The following TBKBP1 variants were observed in gnomAD, a reference collection of about 807,000 sequenced individuals.
The protein encoded by TBKBP1 is TANK-binding kinase 1-binding protein 1.
In TBKBP1, 47 loss-of-function variants were observed where a neutral mutation model predicts 69.9. That is an observed-to-expected ratio of 0.67 (90% CI 0.53 to 0.86). The LOEUF (loss-of-function observed/expected upper bound fraction) is 0.86, where lower values mean the gene tolerates loss of function less well. Among genes scored for constraint, TBKBP1 ranks in the 40% least tolerant of loss-of-function variants. TBKBP1 has a pLI of 0.00. For missense variants in TBKBP1, 831 were observed against 858.6 expected, an observed-to-expected ratio of 0.97 and a Z score of 0.40; for synonymous variants, 418 against 390.3, an observed-to-expected ratio of 1.07 and a Z score of -0.84.
intron 7 of TBKBP1, among the ~76,000 whole-genome samples, chr17:47,706,425 A>G (rs2031698030): frequency 6.6e-6 from 1 of 152,132 alleles, no homozygotes; most frequent in African/African-American, 2.4e-5. Context: ...ATTTCTTCCC[A>G]CAGACCCATG....
chr17:47,696,905 A>ACCCCCC (rs1194292221), intron 3 of TBKBP1, 72 bp downstream of exon 3: 2 of 1,577,756 alleles, frequency 1.3e-6, no homozygotes, highest in African/African-American at 2.7e-5. Flanking sequence ...TTCCCTCCAC[A>ACCCCCC]CCCCCCAGCA....
Position 47,710,764 on chromosome 17 carries a change from G to A in TBKBP1, c.*138G>A, listed in dbSNP as rs1010315832. On this transcript the variant is annotated 3_prime_UTR_variant, in exon 10 of 10. Coordinates refer to ENST00000578982, the MANE Select transcript of TBKBP1 (RefSeq NM_001394755.1). The stretch of plus-strand genomic sequence containing the variant: ...TACCTCCACTTGCTACCGAGTCAAC[G>A]TGTGTGCCATCTTCCCTGGTCCAGG... 26 of 1,273,562 alleles carry A rather than the reference G, an allele frequency of 2.0e-5. No homozygotes were observed. The highest frequency in any genetic ancestry group is 7.4e-5 in the African/African-American group (5 of 67,526). The allele number at this position is 1,273,562 out of a possible 1,614,324, so 78.9% of individuals were successfully genotyped here. A position where few individuals can be genotyped will look rare whatever the true frequency, so the allele number is the denominator to read the frequency against.
intron 9 of TBKBP1, 114 bp from the exon 10 acceptor site, chr17:47,710,384 C>T (rs913497326): frequency 1.3e-5 from 18 of 1,400,194 alleles, no homozygotes; most frequent in Non-Finnish European, 1.7e-5. Flanking sequence ...GTGGCTGGAC[C>T]CCTCCTGCAT....
rs141716263 is a variant in TBKBP1 at position 47,698,153 on chromosome 17, C to T, written c.454-442C>T. ...TAATCATAGATATTTATGTGGCACT[C>T]GGGGTGTGCCAGGCACTGTTCTTTT... On this transcript the variant is annotated intron_variant, in intron 4 of 9. Transcript: ENST00000578982. 2.0e-3 allele frequency among the ~76,000 whole-genome samples: 303 copies of T among 152,104 alleles called. 2 individuals carry two copies. The highest frequency in any genetic ancestry group is 1.2e-3 in the Non-Finnish European group (80 of 68,008).
At position 47,696,347 on chromosome 17, in the gene TBKBP1, T is replaced by G. The variant is rs759834729; in HGVS notation, c.225+10T>G. On this transcript the variant is annotated intron_variant, in intron 2 of 9. Transcript: ENST00000578982. ...AGTCTACGAGATCAAGGTCAGAACT[T>G]GGAGAGGAGGGCGCCTGATAGAGTG... is the stretch of plus-strand genomic sequence containing the variant. 22 of 1,610,632 alleles carry G rather than the reference T, an allele frequency of 1.4e-5. No homozygotes were observed. The highest frequency in any genetic ancestry group is 1.9e-5 in the Non-Finnish European group (22 of 1,179,324).
At position 47,711,333 on chromosome 17, in the gene TBKBP1, A is replaced by G. The variant is rs1215799919; in HGVS notation, c.*707A>G. On this transcript the variant is annotated 3_prime_UTR_variant, in exon 10 of 10. Coordinates refer to ENST00000578982, the MANE Select transcript of TBKBP1 (RefSeq NM_001394755.1). ...AGGCTTCTCTGAGGGCCAGGGCCCT[A>G]CAGCATGCCCCTACGGCCAGGGGAC... 2 of 152,820 alleles carry G rather than the reference A, an allele frequency of 1.3e-5. No individual in the cohort carries two copies. Among genetic ancestry groups the G allele is most frequent in the African/African-American group, 4.8e-5 (2 of 41,454 alleles). 9.5% of individuals were successfully genotyped at this position (152,820 alleles called of 1,614,324 possible).
rs553400011 is a variant in TBKBP1, at chr17:47,695,095, C to T, written c.-35+901C>T. On this transcript the variant is annotated intron_variant, in intron 1 of 9. Coordinates refer to ENST00000578982, the MANE Select transcript of TBKBP1 (RefSeq NM_001394755.1). ...CACGCGGCCCGGACGTGCCACCCTG[C>T]CCACGCGCTCACGCACGCGTGCACA... Among the ~76,000 whole-genome samples the T allele has an allele frequency of 7.9e-5, 12 of 152,280 alleles. 1 individual carries two copies. The highest frequency in any genetic ancestry group is 7.8e-4 in the Admixed American group (12 of 15,298).
chr17:47,709,352 T>C lies in TBKBP1; in HGVS notation c.1619T>C (p.Ile540Thr), dbSNP rs2031835937. 1.3e-6 allele frequency: 2 copies of C among 1,526,974 alleles called. No individual in the cohort carries two copies. The highest frequency in any genetic ancestry group is 1.7e-6 in the Non-Finnish European group (2 of 1,143,402). 94.6% of individuals were successfully genotyped at this position (1,526,974 alleles called of 1,614,324 possible). The change falls in exon 9 of 10, where the codon ATC (isoleucine) becomes ACC (threonine). Residue 540 changes from isoleucine (I) to threonine (T), a missense_variant. Physicochemically the swap from Ile to Thr is moderately conservative, Grantham distance 89. Coordinates refer to ENST00000578982, the MANE Select transcript of TBKBP1 (RefSeq NM_001394755.1). The part of the protein sequence containing the change: ...TSPPSPEVGT[I>T]RCASFCAGFP... ...CCGCCCAGCCCGGAGGTGGGCACCA[T>C]CCGCTGCGCCTCCTTCTGCGCGGGC...
In TBKBP1 at chr17:47,696,128, G is replaced by C; in HGVS notation, c.16G>C (p.Glu6Gln). MESMF[E>Q]DDISILTQEA... Reference sequence around the variant, plus strand: ...GGCCCTCACCATGGAGTCCATGTTCGAGGACGACATCAGCATCCTGACGCA... The same window carrying C: ...GGCCCTCACCATGGAGTCCATGTTCCAGGACGACATCAGCATCCTGACGCA... The change falls in exon 2 of 10, where the codon GAG becomes CAG. Residue 6 changes from glutamate (E) to glutamine (Q), a missense_variant. Transcript: ENST00000578982. The C allele has an allele frequency of 3.1e-6, 5 of 1,611,710 alleles. No individual in the cohort carries two copies. The highest frequency in any genetic ancestry group is 4.2e-6 in the Non-Finnish European group (5 of 1,179,234).
chr17:47,694,406 TC>T (rs2031117768), intron 1 of TBKBP1, among the ~76,000 whole-genome samples: 1 of 150,936 alleles, frequency 6.6e-6, no homozygotes, highest in Non-Finnish European at 1.5e-5. Flanking sequence ...CGGAGCCCCT[TC>T]CCCGGCCCCG....
At chr17:47,703,731 TC>T (rs1483737994) in intron 7 of TBKBP1, among the ~76,000 whole-genome samples, 1 of 149,814 alleles carries the variant, frequency 6.7e-6, no homozygotes, top group Non-Finnish European at 1.5e-5. Flanking sequence ...TGCTAGGCAC[TC>T]CCCTGAAATT....
chr17:47,704,861 G>T (rs1427848859), intron 7 of TBKBP1, among the ~76,000 whole-genome samples: 1 of 152,240 alleles, frequency 6.6e-6, no homozygotes. Context: ...GATGCGAAGC[G>T]TGGAATATTT....
intron 7 of TBKBP1, among the ~76,000 whole-genome samples, chr17:47,705,888 G>A (rs540702023): frequency 5.3e-5 from 8 of 152,326 alleles, no homozygotes; most frequent in African/African-American, 1.9e-4. Flanking sequence ...TGGGTGGACA[G>A]AACCCACCTG....
Position 47,712,018 on chromosome 17 carries a change from C to A in TBKBP1, c.*1392C>A. ...GGCAGGGGCCCCTGTGCTCTCTGAA[C>A]AAGTTGAAAGTCCAAATAAAACTTA... On this transcript the variant is annotated 3_prime_UTR_variant, in exon 10 of 10. Coordinates refer to ENST00000578982, the MANE Select transcript of TBKBP1 (RefSeq NM_001394755.1). 1 of 152,630 alleles carries A rather than the reference C, an allele frequency of 6.6e-6. No individual in the cohort carries two copies. 9.5% of individuals were successfully genotyped at this position (152,630 alleles called of 1,614,324 possible).
intron 1 of TBKBP1, 166 bp from the exon 2 acceptor site, chr17:47,695,913 G>A (rs1405290705): frequency 3.6e-6 from 2 of 552,588 alleles, no homozygotes; most frequent in Non-Finnish European, 6.5e-6. Context: ...GAGAGGATGG[G>A]GCTGAGGAGT....
rs2031928332 is a variant in TBKBP1, at chr17:47,711,673, G to A, written c.*1047G>A. On this transcript the variant is annotated 3_prime_UTR_variant, in exon 10 of 10. Transcript: ENST00000578982. ...TCAGAGTTGTACCCTCAGAAGGACG[G>A]GTAAGCAGGAGGCCAGGGGGTCCCC... 6.5e-6 allele frequency: 1 copy of A among 152,696 alleles called. No individual in the cohort carries two copies. The highest frequency in any genetic ancestry group is 1.5e-5 in the Non-Finnish European group (1 of 68,128). 9.5% of individuals were successfully genotyped at this position (152,696 alleles called of 1,614,324 possible).
At chr17:47,696,374 A>G in intron 2 of TBKBP1, 37 bp downstream of exon 2, 1 of 1,597,058 alleles carries the variant, frequency 6.3e-7, no homozygotes, top group Non-Finnish European at 8.5e-7. Context: ...GATAGAGTGT[A>G]TGGGATGGGG....
At chr17:47,703,202 C>A (rs1567907352) in intron 7 of TBKBP1, among the ~76,000 whole-genome samples, 1 of 152,000 alleles carries the variant, frequency 6.6e-6, no homozygotes, top group African/African-American at 2.4e-5. Flanking sequence ...TTCCGCACCA[C>A]CTCCCCCCCC....
Position 47,708,705 on chromosome 17 carries a change from C to T in TBKBP1, c.992-20C>T, listed in dbSNP as rs1597969014. 4 of 1,482,372 alleles carry T rather than the reference C, an allele frequency of 2.7e-6. No homozygotes were observed. Among genetic ancestry groups the T allele is most frequent in the South Asian group, 1.4e-5 (1 of 73,592 alleles). 91.8% of individuals were successfully genotyped at this position (1,482,372 alleles called of 1,614,324 possible). A position where few individuals can be genotyped will look rare whatever the true frequency, so the allele number is the denominator to read the frequency against. On this transcript the variant is annotated intron_variant, in intron 8 of 9. Coordinates refer to ENST00000578982, the MANE Select transcript of TBKBP1 (RefSeq NM_001394755.1). The surrounding 1 kb of genome is among the most constrained non-coding windows in gnomAD (Gnocchi z 4.4). ...TCTCTGCACCTTTGTCCCCCCACCC[C>T]GTCCCGGTTTCTCTTCCAGGCCAGA... is the stretch of plus-strand genomic sequence containing the variant.
Sources: allele counts gnomAD v4.1 joint callset (sites outside exome capture counted in the v4.1 genomes callset), GRCh38; gene constraint gnomAD v4.1.1; non-coding constraint Gnocchi (gnomAD v3.1); transcripts MANE v1.5; gene names NCBI Gene and HGNC (gene_info 2026-07-23, HGNC 2026-07-21).